The following DNAAF9 variants were observed in gnomAD, a reference collection of about 807,000 sequenced individuals.
DNAAF9 encodes shulin.
In DNAAF9, 90 loss-of-function variants were observed where a neutral mutation model predicts 167.0. That is an observed-to-expected ratio of 0.54 (90% CI 0.45 to 0.64). DNAAF9 has a LOEUF of 0.64. DNAAF9 is among the 30% of genes least tolerant of loss of function. DNAAF9 has a pLI of 0.00. For synonymous variants in DNAAF9, 491 were observed against 508.8 expected (o/e 0.96, Z 0.47); for missense variants, 1,315 against 1,442.2 (o/e 0.91, Z 1.43).
intron 34 of DNAAF9, 34 bp downstream of exon 34, chr20:3,255,972 T>C (rs1207334178): frequency 6.5e-7 from 1 of 1,546,036 alleles, no homozygotes. Flanking sequence ...TCTGGTCACA[T>C]CTGTGTCAGG....
chr20:3,336,268 T>TTTTTTTTTTTTTTTTGTTTG (rs2069947008), intron 10 of DNAAF9, among the ~76,000 whole-genome samples: 1 of 149,510 alleles, frequency 6.7e-6, no homozygotes, highest in African/African-American at 2.5e-5. Flanking sequence ...GTTTTTTTTT[T>TTTTTTTTTTTTTTTTGTTTG]TTTTTTTGCC....
At chr20:3,263,375 A>G (rs2068428984) in intron 31 of DNAAF9, among the ~76,000 whole-genome samples, 1 of 152,186 alleles carries the variant, frequency 6.6e-6, no homozygotes, top group Non-Finnish European at 1.5e-5. Context: ...AAGATAATCC[A>G]AATAAACATG....
At chr20:3,319,093 A>G (rs1463134831) in intron 16 of DNAAF9, among the ~76,000 whole-genome samples, 2 of 122,734 alleles carry the variant, frequency 1.6e-5, no homozygotes, top group Non-Finnish European at 3.9e-5. Flanking sequence ...AAAAAAAAAA[A>G]AAAAAAAAAA....
chr20:3,368,994 T>G (rs2083472662), intron 6 of DNAAF9, among the ~76,000 whole-genome samples: 1 of 152,034 alleles, frequency 6.6e-6, no homozygotes, highest in Admixed American at 6.5e-5. Context: ...CCAGGCATGG[T>G]GGAGCATGCC....
At chr20:3,395,343 C>T (rs1239244861) in intron 1 of DNAAF9, among the ~76,000 whole-genome samples, 2 of 151,340 alleles carry the variant, frequency 1.3e-5, no homozygotes, top group African/African-American at 4.9e-5. Flanking sequence ...TGCAGTGGTG[C>T]AATCTCAGCT....
At chr20:3,291,455 T>C (rs6051719) in intron 25 of DNAAF9, among the ~76,000 whole-genome samples, 1 of 151,338 alleles carries the variant, frequency 6.6e-6, no homozygotes, top group East Asian at 2.0e-4. Flanking sequence ...GTGATTCTCC[T>C]GCCTCAGCCT....
At chr20:3,282,297 C>G (rs571533641) in intron 27 of DNAAF9, among the ~76,000 whole-genome samples, 6 of 152,184 alleles carry the variant, frequency 3.9e-5, no homozygotes, top group African/African-American at 1.2e-4. Context: ...ATGGACTCTA[C>G]TCTTTCAGAT....
At chr20:3,377,964 G>T (rs550559013) in intron 3 of DNAAF9, among the ~76,000 whole-genome samples, 1 of 152,254 alleles carries the variant, frequency 6.6e-6, no homozygotes, top group African/African-American at 2.4e-5. Flanking sequence ...GCTTCAAAGT[G>T]ACTTTAGAAC....
At chr20:3,350,594 T>G (rs996523878) in intron 7 of DNAAF9, among the ~76,000 whole-genome samples, 2 of 152,152 alleles carry the variant, frequency 1.3e-5, no homozygotes, top group Non-Finnish European at 1.5e-5. Flanking sequence ...ATTGTGGTGC[T>G]GAAATACCAC....
chr20:3,353,487 G>T (rs953182802), intron 7 of DNAAF9, among the ~76,000 whole-genome samples: 1 of 152,004 alleles, frequency 6.6e-6, no homozygotes, highest in African/African-American at 2.4e-5. Context: ...AATTAGCCAG[G>T]TGTGGTGGCA....
At chr20:3,369,137 A>AG (rs1376183411) in intron 6 of DNAAF9, among the ~76,000 whole-genome samples, 7 of 151,982 alleles carry the variant, frequency 4.6e-5, no homozygotes, top group African/African-American at 1.7e-4. Context: ...CTCAAAAAAA[A>AG]AAAAAAGGAT....
intron 20 of DNAAF9, among the ~76,000 whole-genome samples, chr20:3,313,440 T>G (rs1301332334): frequency 6.6e-6 from 1 of 152,180 alleles, no homozygotes; most frequent in Non-Finnish European, 1.5e-5. Context: ...GGATAGAATA[T>G]TTTCAACAAG....
At chr20:3,402,868 T>C (rs965594401) in intron 1 of DNAAF9, among the ~76,000 whole-genome samples, 1 of 152,240 alleles carries the variant, frequency 6.6e-6, no homozygotes, top group African/African-American at 2.4e-5. Context: ...TTCTACCGCA[T>C]ATAAGTGAGA....
chr20:3,390,227 T>C (rs1215723667), intron 1 of DNAAF9, among the ~76,000 whole-genome samples: 1 of 152,154 alleles, frequency 6.6e-6, no homozygotes, highest in Non-Finnish European at 1.5e-5. Context: ...AATGTCACAA[T>C]GTCTGCAGCT....
intron 20 of DNAAF9, among the ~76,000 whole-genome samples, chr20:3,305,633 G>A (rs1296925608): frequency 6.6e-6 from 1 of 152,228 alleles, no homozygotes; most frequent in Non-Finnish European, 1.5e-5. Flanking sequence ...GAGACTGCAA[G>A]CTTTGAGGGC....
rs2068879996 is a variant in DNAAF9 at position 3,287,874 on chromosome 20, A to T, written c.2328-84T>A. On this transcript the variant is annotated intron_variant, in intron 26 of 36. Coordinates refer to ENST00000252032, the MANE Select transcript of DNAAF9 (RefSeq NM_001009984.3). Reference sequence around the variant, plus strand: ...TTCAGCCATGGATTCAAATGTGACCATGAGTCCTAAAGCCATTCTGCCCAG... The same window carrying T: ...TTCAGCCATGGATTCAAATGTGACCTTGAGTCCTAAAGCCATTCTGCCCAG... The T allele has an allele frequency of 3.2e-6, 4 of 1,243,766 alleles. No homozygotes were observed. The Admixed American group carries it at 7.0e-5, about 22-fold the overall frequency. 77.0% of individuals were successfully genotyped at this position (1,243,766 alleles called of 1,614,324 possible). A position where few individuals can be genotyped will look rare whatever the true frequency, so the allele number is the denominator to read the frequency against.
intron 1 of DNAAF9, among the ~76,000 whole-genome samples, chr20:3,394,173 A>C (rs2083867237): frequency 6.6e-6 from 1 of 152,090 alleles, no homozygotes; most frequent in African/African-American, 2.4e-5. Flanking sequence ...CCCTGTCTCT[A>C]CTAAAAATAC....
At chr20:3,281,835 C>G in intron 27 of DNAAF9, 69 bp from the exon 28 acceptor site, 5 of 1,505,526 alleles carry the variant, frequency 3.3e-6, no homozygotes, top group Non-Finnish European at 4.5e-6. Flanking sequence ...GAGGGGAATC[C>G]CGAATGGCTG....
chr20:3,372,461 C>T (rs184383095), intron 6 of DNAAF9, among the ~76,000 whole-genome samples: 53 of 152,316 alleles, frequency 3.5e-4, no homozygotes, highest in Non-Finnish European at 5.3e-4. Context: ...TCTTCATGGC[C>T]CATCCCATTT....
Sources: allele counts gnomAD v4.1 joint callset (sites outside exome capture counted in the v4.1 genomes callset), GRCh38; gene constraint gnomAD v4.1.1; transcripts MANE v1.5; gene names NCBI Gene and HGNC (gene_info 2026-07-23, HGNC 2026-07-21).